CCDC88C: variants seen among roughly 807,000 people sequenced by gnomAD.
CCDC88C encodes protein Daple.
Under a neutral mutation model 198.8 loss-of-function variants are expected in CCDC88C, and 131 were observed. The ratio of observed to expected loss-of-function variants is 0.66; its 90% CI spans 0.57 to 0.76. The LOEUF (loss-of-function observed/expected upper bound fraction) is 0.76. Ranked by LOEUF, CCDC88C falls within the 30% of genes least tolerant of loss-of-function variation. The pLI is 0.00. For missense variants in CCDC88C, 2,553 were observed against 2,631.6 expected, an observed-to-expected ratio of 0.97 and a Z score of 0.65; for synonymous variants, 1,166 against 1,114.7, an observed-to-expected ratio of 1.05 and a Z score of -0.92.
chr14:91,407,303 C>G (rs1206214198), intron 3 of CCDC88C, among the ~76,000 whole-genome samples: 1 of 152,226 alleles, frequency 6.6e-6, no homozygotes, highest in Non-Finnish European at 1.5e-5. Context: ...GAACCAGCAA[C>G]CACTGCACAA....
intron 10 of CCDC88C, among the ~76,000 whole-genome samples, chr14:91,337,655 C>T (rs1047854154): frequency 2.6e-5 from 4 of 152,256 alleles, no homozygotes; most frequent in Admixed American, 2.6e-4. Flanking sequence ...GTTATTCCCA[C>T]AGATGAGGAA....
In CCDC88C at chr14:91,273,954, A is replaced by T. The variant is rs1889852553; in HGVS notation, c.5059-301T>A. 6.6e-6 allele frequency among the ~76,000 whole-genome samples: 1 copy of T among 152,114 alleles called. No homozygotes were observed. Among genetic ancestry groups the T allele is most frequent in the Non-Finnish European group, 1.5e-5 (1 of 68,022 alleles). Reference sequence around the variant, plus strand: ...GAAATGACTTCCTACAAAGTGAGTAAGTTTCCCAGAAACCTCGACTATAGC... The same window carrying T: ...GAAATGACTTCCTACAAAGTGAGTATGTTTCCCAGAAACCTCGACTATAGC... On this transcript the variant is annotated intron_variant, in intron 29 of 29. Coordinates refer to ENST00000389857, the MANE Select transcript of CCDC88C (RefSeq NM_001080414.4). This position sits in a 1 kb window ranked among gnomAD's most constrained non-coding sequence, Gnocchi z 5.6.
intron 27 of CCDC88C, chr14:91,281,229 C>T: frequency 1.7e-6 from 2 of 1,164,622 alleles, no homozygotes; most frequent in Non-Finnish European, 2.4e-6. Flanking sequence ...GAGGTCGGTG[C>T]TTCCAGAACT....
Position 91,313,245 on chromosome 14 carries a change from A to G in CCDC88C, c.2571T>C (p.Asp857=), listed in dbSNP as rs544589781. Residue 857 remains aspartate (D), a synonymous_variant, in exon 15 of 30, where the codon GAT becomes GAC. Transcript: ENST00000389857. This position sits in a 1 kb window ranked among gnomAD's most constrained non-coding sequence, Gnocchi z 5.2. The stretch of plus-strand genomic sequence containing the variant: ...CAACGGCGGACAGTTTGGCAGTGCT[A>G]TCGTCCAAGACTGCATCCTTGAGCT... ...QVELKDAVLD[D]STAKLSAVEK... The G allele has an allele frequency of 5.6e-6, 9 of 1,613,982 alleles. No individual in the cohort carries two copies. In the African/African-American group the frequency reaches 6.7e-5, roughly 12 times the overall value.
At chr14:91,408,877 C>T in intron 2 of CCDC88C, 110 bp from the exon 3 acceptor site, 1 of 709,688 alleles carries the variant, frequency 1.4e-6, no homozygotes, top group Non-Finnish European at 2.5e-6. Flanking sequence ...GACCATGAGG[C>T]TGTGCTGTGG....
chr14:91,343,068 C>T (rs983596995), intron 5 of CCDC88C, among the ~76,000 whole-genome samples: 2 of 152,212 alleles, frequency 1.3e-5, no homozygotes, highest in African/African-American at 4.8e-5. Flanking sequence ...GATCCTCTCG[C>T]CTCAGCCTCC....
At position 91,325,375 on chromosome 14, in the gene CCDC88C, A is replaced by C. The variant is rs537218198; in HGVS notation, c.1198-452T>G. 6.6e-6 allele frequency among the ~76,000 whole-genome samples: 1 copy of C among 150,944 alleles called. No homozygotes were observed. On this transcript the variant is annotated intron_variant, in intron 11 of 29. Transcript: ENST00000389857. This position sits in a 1 kb window ranked among gnomAD's most constrained non-coding sequence, Gnocchi z 4.1. ...ACACTCATTCCTACAGAAAAGCAAT[A>C]CAGAAGTCAAGTGCTCTGTTTGTGG... is the stretch of plus-strand genomic sequence containing the variant.
At chr14:91,341,458 A>G (rs999471184) in intron 6 of CCDC88C, among the ~76,000 whole-genome samples, 1 of 152,228 alleles carries the variant, frequency 6.6e-6, no homozygotes, top group African/African-American at 2.4e-5. Context: ...CCCAGGCCCA[A>G]TGGCCCCAGC....
chr14:91,359,553 C>G (rs1894204153), intron 4 of CCDC88C, 89 bp downstream of exon 4: 1 of 1,017,326 alleles, frequency 9.8e-7, no homozygotes, highest in African/African-American at 1.6e-5. Context: ...CTGGCCCAAG[C>G]TGGCAGCCGG....
At chr14:91,343,715 C>A in intron 4 of CCDC88C, 58 bp from the exon 5 acceptor site, 1 of 1,605,998 alleles carries the variant, frequency 6.2e-7, no homozygotes, top group Non-Finnish European at 8.5e-7. Context: ...ATTTCAGTGA[C>A]ATGTTTACCG....
chr14:91,393,034 G>C (rs1885614483), intron 3 of CCDC88C, among the ~76,000 whole-genome samples: 1 of 152,222 alleles, frequency 6.6e-6, no homozygotes. Flanking sequence ...GGGAGAGGGA[G>C]AGACAGTACC....
At chr14:91,388,242 A>G (rs1291271239) in intron 3 of CCDC88C, among the ~76,000 whole-genome samples, 1 of 152,202 alleles carries the variant, frequency 6.6e-6, no homozygotes, top group Non-Finnish European at 1.5e-5. Context: ...CCAATGTATG[A>G]CCAGATTTCT....
intron 20 of CCDC88C, 61 bp downstream of exon 20, chr14:91,303,640 G>C (rs1891426132): frequency 6.8e-7 from 1 of 1,473,274 alleles, no homozygotes. Flanking sequence ...TTTCCCCCTG[G>C]GCCCAGCCTC....
rs138855002 is a variant in CCDC88C at position 91,337,522 on chromosome 14, G to A, written c.1050+483C>T. 3.4e-3 allele frequency among the ~76,000 whole-genome samples: 517 copies of A among 152,214 alleles called. 1 individual carries two copies. Among genetic ancestry groups the A allele is most frequent in the Middle Eastern group, 0.01 (3 of 292 alleles). ...GCCTGGCTAAATTTTTTTATTTTTT[G>A]TAGAGACAGAGTCTTGCTATGTTGC... On this transcript the variant is annotated intron_variant, in intron 10 of 29. Transcript: ENST00000389857.
chr14:91,396,254 A>G (rs1885832943), intron 3 of CCDC88C, among the ~76,000 whole-genome samples: 1 of 152,178 alleles, frequency 6.6e-6, no homozygotes, highest in African/African-American at 2.4e-5. Flanking sequence ...ACTCCTTTTG[A>G]CAAACCAGTG....
At chr14:91,365,081 G>A (rs907083479) in intron 3 of CCDC88C, among the ~76,000 whole-genome samples, 1 of 152,174 alleles carries the variant, frequency 6.6e-6, no homozygotes, top group African/African-American at 2.4e-5. Context: ...ATGCTGTGAC[G>A]CTAAGCACTT....
intron 13 of CCDC88C, 41 bp downstream of exon 13, chr14:91,321,079 G>A (rs771204637): frequency 1.3e-6 from 2 of 1,550,592 alleles, no homozygotes; most frequent in Non-Finnish European, 1.7e-6. Context: ...GGGTGCCCAA[G>A]GGTTCTGTGC....
In CCDC88C at chr14:91,312,215, C is replaced by G. The variant is rs561890339; in HGVS notation, c.2736+865G>C. On this transcript the variant is annotated intron_variant, in intron 15 of 29. Coordinates refer to ENST00000389857, the MANE Select transcript of CCDC88C (RefSeq NM_001080414.4). ...ACCAGCCTGGCCAAGATGGCGAAACCCCACCTCTACTAAAAATACAAAAAT... is the reference window on the plus strand; with the variant it reads ...ACCAGCCTGGCCAAGATGGCGAAACGCCACCTCTACTAAAAATACAAAAAT... 3.8e-3 allele frequency among the ~76,000 whole-genome samples: 570 copies of G among 151,934 alleles called. 2 individuals are homozygous for G. The highest frequency in any genetic ancestry group is 0.02 in the Middle Eastern group (6 of 294).
chr14:91,285,358 G>A (rs972489566), intron 25 of CCDC88C: 5 of 445,198 alleles, frequency 1.1e-5, no homozygotes, highest in Non-Finnish European at 2.3e-5. Flanking sequence ...GCTCGCAGGT[G>A]CAAGAGACGG....
Sources: gnomAD v4.1 joint callset for allele counts (sites outside exome capture counted in the v4.1 genomes callset) on GRCh38, gnomAD v4.1.1 for gene constraint, Gnocchi (gnomAD v3.1) non-coding constraint, MANE v1.5 for transcripts, NCBI Gene and HGNC (gene_info 2026-07-23, HGNC 2026-07-21) for gene names.